The following SAMD12 variants were observed in gnomAD, a reference collection of about 807,000 sequenced individuals.
SAMD12 encodes sterile alpha motif domain-containing protein 12.
A neutral mutation model predicts 15.0 loss-of-function variants in SAMD12; 9 were observed. The ratio of observed to expected loss-of-function variants is 0.60; its 90% confidence interval spans 0.36 to 1.05. The LOEUF (loss-of-function observed/expected upper bound fraction) is 1.05. SAMD12 is among the 50% of genes least tolerant of loss of function. The pLI is 0.01. For missense variants in SAMD12, 230 were observed against 234.2 expected (o/e 0.98, Z 0.12); for synonymous variants, 86 against 90.1 (o/e 0.96, Z 0.25).
chr8:118,168,715 G>GA, the SAMD12 span, among the ~76,000 whole-genome samples: 4 of 151,574 alleles, frequency 2.6e-5, no homozygotes, highest in East Asian at 1.9e-4. Context: ...ATAAGCTTAG[G>GA]AAAAAAAACT....
intron 4 of SAMD12, among the ~76,000 whole-genome samples, chr8:118,270,957 T>C (rs1813341766): frequency 6.6e-6 from 1 of 152,162 alleles, no homozygotes. Context: ...AATTATTGGG[T>C]AAGTGAGGGT....
chr8:118,501,899 C>T (rs909772995), intron 2 of SAMD12, among the ~76,000 whole-genome samples: 2 of 152,124 alleles, frequency 1.3e-5, no homozygotes, highest in African/African-American at 4.8e-5. Context: ...CGCCTGTAGT[C>T]CCAGCTACTC....
intron 4 of SAMD12, among the ~76,000 whole-genome samples, chr8:118,237,656 G>C (rs1487806370): frequency 6.6e-6 from 1 of 152,150 alleles, no homozygotes; most frequent in South Asian, 2.1e-4. Flanking sequence ...CAGAAGGCTG[G>C]AAAGCCATTA....
chr8:118,248,252 T>G (rs1276515709), intron 4 of SAMD12, among the ~76,000 whole-genome samples: 1 of 152,158 alleles, frequency 6.6e-6, no homozygotes, highest in Non-Finnish European at 1.5e-5. Flanking sequence ...AAAACACTAC[T>G]ATTCCACTTC....
intron 4 of SAMD12, among the ~76,000 whole-genome samples, chr8:118,351,001 C>G (rs796941398): frequency 7.9e-5 from 12 of 152,300 alleles, no homozygotes; most frequent in African/African-American, 2.6e-4. Flanking sequence ...CCTGAAATAT[C>G]TCTATGACAA....
chr8:118,402,245 A>C (rs980129074), intron 3 of SAMD12, among the ~76,000 whole-genome samples: 3 of 152,218 alleles, frequency 2.0e-5, no homozygotes, highest in African/African-American at 7.2e-5. Flanking sequence ...CATGCATTTG[A>C]CACTCAGATT....
In SAMD12 at chr8:118,269,214, CTCTCTCTGTGTG is replaced by C. The variant is rs1296670880; in HGVS notation, c.434-71494_434-71483del. On this transcript the variant is annotated intron_variant, in intron 4 of 4. Transcript: ENST00000409003. ...TTTTGTTCTCTCTCTCTCTCTCTCT[CTCTCTCTGTGTG>C]TGTGTGTGTGTGTGTGTGTGTGTGT... 2.3e-3 allele frequency among the ~76,000 whole-genome samples: 268 copies of C among 118,026 alleles called. 1 individual carries two copies. The highest frequency in any genetic ancestry group is 9.8e-3 in the African/African-American group (248 of 25,350). 77.4% of individuals were successfully genotyped at this position (118,026 alleles called of 152,430 possible).
intron 2 of SAMD12, among the ~76,000 whole-genome samples, chr8:118,572,238 C>T (rs1433332454): frequency 6.6e-6 from 1 of 152,208 alleles, no homozygotes; most frequent in East Asian, 1.9e-4. Context: ...TGTATTTACC[C>T]AATGCCTGTC....
At chr8:118,512,187 T>C (rs1447920937) in intron 2 of SAMD12, among the ~76,000 whole-genome samples, 1 of 152,234 alleles carries the variant, frequency 6.6e-6, no homozygotes, top group Admixed American at 6.5e-5. Flanking sequence ...TTCCTTAACT[T>C]TGAAGACTTT....
At chr8:118,533,356 C>T (rs532083561) in intron 2 of SAMD12, among the ~76,000 whole-genome samples, 2 of 152,280 alleles carry the variant, frequency 1.3e-5, no homozygotes, top group African/African-American at 4.8e-5. Flanking sequence ...TGCTTTACTT[C>T]CAACTATGTG....
chr8:118,590,535 C>A (rs1827562714), intron 1 of SAMD12, among the ~76,000 whole-genome samples: 1 of 152,232 alleles, frequency 6.6e-6, no homozygotes, highest in Non-Finnish European at 1.5e-5. Context: ...TATTACCCAG[C>A]CATAAGGAAG....
chr8:118,237,883 C>G (rs901259), intron 4 of SAMD12, among the ~76,000 whole-genome samples: 67,824 of 151,952 alleles, frequency 0.45, 18,483 homozygotes, highest in East Asian at 0.81. Context: ...CAATGCACTG[C>G]GAGCTTCAAA....
chr8:118,273,579 G>A (rs1340929695), intron 4 of SAMD12, among the ~76,000 whole-genome samples: 7 of 152,174 alleles, frequency 4.6e-5, no homozygotes, highest in Non-Finnish European at 8.8e-5. Flanking sequence ...AAGAGATGGG[G>A]GAAGGTACAG....
the SAMD12 span, among the ~76,000 whole-genome samples, chr8:118,179,525 G>A: frequency 6.6e-6 from 1 of 152,072 alleles, no homozygotes; most frequent in African/African-American, 2.4e-5. Context: ...GTAGTATTTG[G>A]AATAGGAGAT....
At chr8:118,338,851 T>C (rs977305236) in intron 4 of SAMD12, among the ~76,000 whole-genome samples, 9 of 152,158 alleles carry the variant, frequency 5.9e-5, no homozygotes, top group African/African-American at 2.2e-4. Context: ...CATAAACAAA[T>C]AGAAATCTTC....
chr8:118,536,040 C>T (rs1160244789), intron 2 of SAMD12, among the ~76,000 whole-genome samples: 1 of 152,212 alleles, frequency 6.6e-6, no homozygotes, highest in Non-Finnish European at 1.5e-5. Context: ...CTGCGTCGCT[C>T]ACGCTGGGAG....
the SAMD12 span, among the ~76,000 whole-genome samples, chr8:118,181,976 G>C: frequency 6.6e-6 from 1 of 152,176 alleles, no homozygotes; most frequent in African/African-American, 2.4e-5. Context: ...CTTAAGATTT[G>C]ATGAGCTCAT....
the SAMD12 span, among the ~76,000 whole-genome samples, chr8:118,135,275 G>C: frequency 1.3e-5 from 2 of 151,230 alleles, no homozygotes; most frequent in Non-Finnish European, 1.5e-5. Flanking sequence ...TCCGCCTCCC[G>C]GTTTCAAGCA....
chr8:118,615,155 T>C (rs576665727), intron 1 of SAMD12, among the ~76,000 whole-genome samples: 2 of 152,240 alleles, frequency 1.3e-5, no homozygotes, highest in South Asian at 2.1e-4. Context: ...GGAAATCCAT[T>C]AAGAAGCATG....
Sources: allele counts gnomAD v4.1 joint callset (sites outside exome capture counted in the v4.1 genomes callset), GRCh38; gene constraint gnomAD v4.1.1; transcripts MANE v1.5; gene names NCBI Gene and HGNC (gene_info 2026-07-23, HGNC 2026-07-21).